Variants in ENOX1 observed in about 807,000 individuals in gnomAD.
ENOX1 encodes the protein ecto-NOX disulfide-thiol exchanger 1, also known as candidate growth-related and time keeping constitutive hydroquinone (NADH) oxidase.
Under a neutral mutation model 82.5 loss-of-function variants are expected in ENOX1, and 42 were observed. The observed-to-expected ratio is 0.51, with a 90% CI of 0.40 to 0.66. ENOX1 has a LOEUF of 0.66. Ranked by LOEUF, ENOX1 falls within the 30% of genes least tolerant of loss-of-function variation. ENOX1 has a pLI of 0.00. For missense variants in ENOX1, 608 were observed against 811.6 expected, an observed-to-expected ratio of 0.75 and a Z score of 3.05; for synonymous variants, 271 against 282.2, an observed-to-expected ratio of 0.96 and a Z score of 0.40.
intron 3 of ENOX1, among the ~76,000 whole-genome samples, chr13:43,467,160 A>G (rs2057763495): frequency 6.6e-6 from 1 of 152,198 alleles, no homozygotes; most frequent in South Asian, 2.1e-4. Flanking sequence ...AGATAACTCT[A>G]TGATTAACTT....
At chr13:43,224,687 G>A (rs143216010) in intron 15 of ENOX1, among the ~76,000 whole-genome samples, 3 of 152,282 alleles carry the variant, frequency 2.0e-5, no homozygotes, top group African/African-American at 7.2e-5. Context: ...TGTCGCTCTT[G>A]TTTAAAAGGA....
At chr13:43,289,858 A>G (rs1025840077) in intron 12 of ENOX1, among the ~76,000 whole-genome samples, 4 of 152,216 alleles carry the variant, frequency 2.6e-5, no homozygotes, top group Non-Finnish European at 5.9e-5. Context: ...CACAATCTCT[A>G]GGGAACTTAA....
chr13:43,476,895 G>A (rs1382141239), intron 3 of ENOX1, among the ~76,000 whole-genome samples: 1 of 152,078 alleles, frequency 6.6e-6, no homozygotes. Context: ...TGTAAAAGAG[G>A]AGATGGGTGG....
intron 3 of ENOX1, among the ~76,000 whole-genome samples, chr13:43,439,544 T>A (rs2056245559): frequency 6.6e-6 from 1 of 152,202 alleles, no homozygotes; most frequent in Non-Finnish European, 1.5e-5. Context: ...GATGTTATAG[T>A]GTTCCTGGCT....
intron 15 of ENOX1, among the ~76,000 whole-genome samples, chr13:43,229,898 C>G (rs771162244): frequency 1.3e-5 from 2 of 152,110 alleles, no homozygotes; most frequent in Admixed American, 1.3e-4. Context: ...AAAGGGGAAT[C>G]GGGAGTTCTG....
At chr13:43,592,740 T>C (rs9533537) in intron 2 of ENOX1, among the ~76,000 whole-genome samples, 7,691 of 152,262 alleles carry the variant, frequency 0.051, 639 homozygotes, top group East Asian at 0.33. Context: ...TTAACTTAAC[T>C]GCATTGATAT....
intron 2 of ENOX1, among the ~76,000 whole-genome samples, chr13:43,538,237 TATTTC>T (rs1417587100): frequency 6.6e-6 from 1 of 152,242 alleles, no homozygotes; most frequent in African/African-American, 2.4e-5. Context: ...ATTTCTCTTT[TATTTC>T]ATCATTTTTT....
intron 9 of ENOX1, among the ~76,000 whole-genome samples, chr13:43,326,777 C>T (rs1221527109): frequency 2.0e-5 from 3 of 152,160 alleles, no homozygotes; most frequent in Non-Finnish European, 2.9e-5. Flanking sequence ...GCATCTACTT[C>T]CAAGCATTCT....
chr13:43,776,060 C>G (rs1425698343), intron 1 of ENOX1, among the ~76,000 whole-genome samples: 1 of 152,114 alleles, frequency 6.6e-6, no homozygotes, highest in Non-Finnish European at 1.5e-5. Context: ...GCTGATAATA[C>G]TATAAAAAGT....
chr13:43,451,216 A>G (rs1162233754), intron 3 of ENOX1, among the ~76,000 whole-genome samples: 1 of 152,222 alleles, frequency 6.6e-6, no homozygotes, highest in African/African-American at 2.4e-5. Context: ...CTGAATATAT[A>G]TACTTGGTCT....
chr13:43,269,465 C>T lies in ENOX1; in HGVS notation c.1554+5G>A, dbSNP rs1173309708. ...TCATAAATCAGAGCTGTTTCATTCA[C>T]TTACTTGTTCCTGCAGGACTTTTAG... is the stretch of plus-strand genomic sequence containing the variant. On this transcript the variant is annotated splice_donor_5th_base_variant and intron_variant, in intron 13 of 16. Transcript: ENST00000690772. 1 of 1,610,712 alleles carries T rather than the reference C, an allele frequency of 6.2e-7. No individual in the cohort carries two copies. The highest frequency in any genetic ancestry group is 1.3e-5 in the African/African-American group (1 of 74,854).
At chr13:43,470,443 G>C in intron 3 of ENOX1, among the ~76,000 whole-genome samples, 1 of 116,492 alleles carries the variant, frequency 8.6e-6, no homozygotes, top group East Asian at 2.8e-4. Flanking sequence ...GTTTTAGACA[G>C]GATACAGAAA....
chr13:43,220,853 G>A (rs1311326948), intron 16 of ENOX1, among the ~76,000 whole-genome samples: 2 of 152,248 alleles, frequency 1.3e-5, no homozygotes, highest in South Asian at 2.1e-4. Context: ...TCATTCAGGT[G>A]GGCAATCTCA....
intron 5 of ENOX1, among the ~76,000 whole-genome samples, chr13:43,372,982 A>T (rs2153568905): frequency 6.6e-6 from 1 of 152,234 alleles, no homozygotes; most frequent in East Asian, 1.9e-4. Flanking sequence ...CCCTGACAGC[A>T]TTGTTCTGAG....
intron 1 of ENOX1, among the ~76,000 whole-genome samples, chr13:43,751,381 T>A (rs1316060792): frequency 1.3e-5 from 2 of 152,230 alleles, no homozygotes; most frequent in African/African-American, 4.8e-5. Context: ...TATGGAATAA[T>A]AGTTTAAACA....
intron 14 of ENOX1, among the ~76,000 whole-genome samples, chr13:43,257,458 C>T (rs951170395): frequency 1.3e-5 from 2 of 152,028 alleles, no homozygotes; most frequent in African/African-American, 4.8e-5. Context: ...TATTTAATAA[C>T]ATGGGCAAAT....
chr13:43,280,052 T>C (rs926359455), intron 12 of ENOX1, among the ~76,000 whole-genome samples: 2 of 152,262 alleles, frequency 1.3e-5, no homozygotes, highest in South Asian at 2.1e-4. Context: ...CTTATCAGTT[T>C]TGTTTTTTGC....
intron 5 of ENOX1, among the ~76,000 whole-genome samples, chr13:43,372,892 T>C (rs2051334583): frequency 6.6e-6 from 1 of 151,886 alleles, no homozygotes; most frequent in African/African-American, 2.4e-5. Context: ...ACCGTCCGAG[T>C]TCTAGTTCAA....
intron 2 of ENOX1, among the ~76,000 whole-genome samples, chr13:43,651,547 A>C (rs2084170107): frequency 6.6e-6 from 1 of 151,774 alleles, no homozygotes; most frequent in Non-Finnish European, 1.5e-5. Flanking sequence ...AAATACAAAA[A>C]TTAGCTGAGT....
Sources: gnomAD v4.1 joint callset for allele counts (sites outside exome capture counted in the v4.1 genomes callset) on GRCh38, gnomAD v4.1.1 for gene constraint, MANE v1.5 for transcripts, NCBI Gene and HGNC (gene_info 2026-07-23, HGNC 2026-07-21) for gene names.